Variants in ADCY2 observed in about 807,000 individuals in gnomAD.
ADCY2 encodes adenylate cyclase 2.
ADCY2 carries 31 observed loss-of-function variants against 125.2 expected under a neutral mutation model. That is an observed-to-expected ratio of 0.25 (90% CI 0.19 to 0.33). The LOEUF is 0.33. ADCY2 is among the 10% of genes least tolerant of loss of function. The probability of loss-of-function intolerance (pLI) is 1.00; values close to 1 mark genes in which losing one functional copy is unlikely to be tolerated. For missense variants in ADCY2, 904 were observed against 1,418.2 expected (o/e 0.64, Z 5.82); for synonymous variants, 512 against 548.4 (o/e 0.93, Z 0.93).
chr5:7,455,456 A>T (rs996414833), intron 2 of ADCY2, among the ~76,000 whole-genome samples: 1 of 152,090 alleles, frequency 6.6e-6, no homozygotes, highest in African/African-American at 2.4e-5. Context: ...ACATTATTAT[A>T]GGGGATCAAG....
chr5:7,603,815 GT>G (rs1277338369), intron 3 of ADCY2, among the ~76,000 whole-genome samples: 1,195 of 68,492 alleles, frequency 0.017, 5 homozygotes, highest in Middle Eastern at 0.028. Context: ...TTTTTCTTTT[GT>G]TTTTTTTTTT....
At chr5:7,659,808 A>G (rs1315220176) in intron 4 of ADCY2, among the ~76,000 whole-genome samples, 1 of 152,246 alleles carries the variant, frequency 6.6e-6, no homozygotes, top group African/African-American at 2.4e-5. Flanking sequence ...ACAACTGTCC[A>G]GGTGCTCGGC....
At chr5:7,816,618 G>C (rs943146549) in intron 22 of ADCY2, among the ~76,000 whole-genome samples, 1 of 152,252 alleles carries the variant, frequency 6.6e-6, no homozygotes, top group African/African-American at 2.4e-5. Flanking sequence ...GCCTTAGCCC[G>C]CATGATGCGT....
intron 3 of ADCY2, among the ~76,000 whole-genome samples, chr5:7,606,749 A>G (rs1316075060): frequency 6.6e-6 from 1 of 152,208 alleles, no homozygotes; most frequent in Non-Finnish European, 1.5e-5. Context: ...TTCGTTTATC[A>G]CCGAAGCTAT....
Position 7,516,193 on chromosome 5 carries a change from A to G in ADCY2, c.409-4545A>G, listed in dbSNP as rs200405317. Reference sequence around the variant, plus strand: ...AGTCAAAGATGGTGCACCCATTGCCATGGAATATTTTGCAGCTAGTAAAAA... The same window carrying G: ...AGTCAAAGATGGTGCACCCATTGCCGTGGAATATTTTGCAGCTAGTAAAAA... On this transcript the variant is annotated intron_variant, in intron 2 of 24. Coordinates refer to ENST00000338316, the MANE Select transcript of ADCY2 (RefSeq NM_020546.3). 1.3e-4 allele frequency among the ~76,000 whole-genome samples: 20 copies of G among 152,216 alleles called. No homozygotes were observed. In the East Asian group the frequency reaches 2.5e-3, roughly 19 times the overall value.
intron 16 of ADCY2, among the ~76,000 whole-genome samples, chr5:7,765,797 A>G (rs1435811744): frequency 2.6e-5 from 4 of 152,210 alleles, no homozygotes; most frequent in Non-Finnish European, 5.9e-5. Context: ...AATTTCTTTC[A>G]GTAAAAGGAA....
chr5:7,556,529 A>G (rs1244614531), intron 3 of ADCY2, among the ~76,000 whole-genome samples: 5 of 152,170 alleles, frequency 3.3e-5, no homozygotes, highest in African/African-American at 9.7e-5. Flanking sequence ...CTTTTTTCAT[A>G]CGGGAAGTTT....
At chr5:7,564,160 A>G (rs1418959387) in intron 3 of ADCY2, among the ~76,000 whole-genome samples, 2 of 152,202 alleles carry the variant, frequency 1.3e-5, no homozygotes, top group African/African-American at 4.8e-5. Flanking sequence ...AGTTACTTAG[A>G]TAACACCTTT....
At chr5:7,570,963 A>G (rs909708231) in intron 3 of ADCY2, among the ~76,000 whole-genome samples, 1 of 152,118 alleles carries the variant, frequency 6.6e-6, no homozygotes, top group Non-Finnish European at 1.5e-5. Context: ...TAATGCATTG[A>G]TTGTTGATTC....
chr5:7,606,772 A>T lies in ADCY2; in HGVS notation c.571-19395A>T, dbSNP rs547125715. On this transcript the variant is annotated intron_variant, in intron 3 of 24. Coordinates refer to ENST00000338316, the MANE Select transcript of ADCY2 (RefSeq NM_020546.3). ...TCACCGAAGCTATGGAATATTTGCTATTTGCTTTCGGAATGAAAGGTATAC... is the reference window on the plus strand; with the variant it reads ...TCACCGAAGCTATGGAATATTTGCTTTTTGCTTTCGGAATGAAAGGTATAC... Among the ~76,000 whole-genome samples the T allele has an allele frequency of 1.4e-3, 206 of 152,290 alleles. 1 individual carries two copies. The highest frequency in any genetic ancestry group is 4.7e-3 in the African/African-American group (195 of 41,570).
chr5:7,731,205 T>C (rs922145305), intron 14 of ADCY2, among the ~76,000 whole-genome samples: 8 of 152,024 alleles, frequency 5.3e-5, no homozygotes, highest in African/African-American at 1.9e-4. Flanking sequence ...TTTTTGTATA[T>C]ATAATTTTAT....
chr5:7,534,673 T>C lies in ADCY2; in HGVS notation c.570+13774T>C, dbSNP rs930254953. Among the ~76,000 whole-genome samples, 4 of 152,244 alleles carry C rather than the reference T, an allele frequency of 2.6e-5. No homozygotes were observed. The East Asian group carries it at 5.8e-4, about 22-fold the overall frequency. On this transcript the variant is annotated intron_variant, in intron 3 of 24. Coordinates refer to ENST00000338316, the MANE Select transcript of ADCY2 (RefSeq NM_020546.3). ...CATGCAGCTCAGCCTGATGTTCTAA[T>C]CCCTGGGCATTCCTGCTTTCTTTTC...
At chr5:7,563,028 A>T (rs1410528551) in intron 3 of ADCY2, among the ~76,000 whole-genome samples, 2 of 152,152 alleles carry the variant, frequency 1.3e-5, no homozygotes, top group Non-Finnish European at 2.9e-5. Context: ...TAAATGCATT[A>T]TATTGGTCTT....
At chr5:7,713,163 A>G (rs570929261) in intron 11 of ADCY2, among the ~76,000 whole-genome samples, 1 of 152,206 alleles carries the variant, frequency 6.6e-6, no homozygotes, top group Non-Finnish European at 1.5e-5. Context: ...TCTTAATATT[A>G]ATGTGTGGTA....
intron 3 of ADCY2, 107 bp from the exon 4 acceptor site, chr5:7,626,060 T>G (rs1372479617): frequency 3.2e-6 from 4 of 1,238,318 alleles, no homozygotes; most frequent in African/African-American, 1.5e-5. Flanking sequence ...AAAATTAACT[T>G]CCTGCAGTTA....
chr5:7,447,260 T>G (rs1741297882), intron 2 of ADCY2, among the ~76,000 whole-genome samples: 1 of 152,178 alleles, frequency 6.6e-6, no homozygotes, highest in Non-Finnish European at 1.5e-5. Flanking sequence ...TAATTTAGGT[T>G]CTTGATGTCT....
chr5:7,721,472 C>G (rs1298457220), intron 12 of ADCY2, among the ~76,000 whole-genome samples: 1 of 152,188 alleles, frequency 6.6e-6, no homozygotes, highest in African/African-American at 2.4e-5. Context: ...AGTCCTTGCC[C>G]AGGCCTATAG....
At chr5:7,757,027 T>C (rs78969379) in intron 15 of ADCY2, among the ~76,000 whole-genome samples, 5,367 of 152,222 alleles carry the variant, frequency 0.035, 316 homozygotes, top group African/African-American at 0.12. Flanking sequence ...GCTAATGCAG[T>C]GTTAAAAGGG....
At chr5:7,811,500 C>CAA (rs960087059) in intron 22 of ADCY2, among the ~76,000 whole-genome samples, 7 of 120,162 alleles carry the variant, frequency 5.8e-5, no homozygotes, top group South Asian at 2.4e-4. Flanking sequence ...GACTCTGTCT[C>CAA]AAAAAAAAAA....
Sources: gnomAD v4.1 joint callset for allele counts (sites outside exome capture counted in the v4.1 genomes callset) on GRCh38, gnomAD v4.1.1 for gene constraint, MANE v1.5 for transcripts, NCBI Gene and HGNC (gene_info 2026-07-23, HGNC 2026-07-21) for gene names.